DNAJB6: variants seen among roughly 807,000 people sequenced by gnomAD.
The protein encoded by DNAJB6 is DnaJ heat shock protein family (Hsp40) member B6.
Under a neutral mutation model 42.7 loss-of-function variants are expected in DNAJB6, and 16 were observed. That is an observed-to-expected ratio of 0.37 (90% confidence interval 0.25 to 0.57). DNAJB6 has a LOEUF of 0.57. Among genes scored for constraint, DNAJB6 ranks in the 20% least tolerant of loss-of-function variants. DNAJB6 has a pLI of 0.74. For synonymous variants in DNAJB6, 170 were observed against 163.5 expected, an observed-to-expected ratio of 1.04 and a Z score of -0.30; for missense variants, 347 against 416.8, an observed-to-expected ratio of 0.83 and a Z score of 1.46.
rs1563128417 is a variant in DNAJB6, at chr7:157,369,865, C to CATTATTATTAAAGAGGCCCTTTCTTA, written c.346+2383_346+2384insTTATTATTAAAGAGGCCCTTTCTTAA. 3.5e-4 allele frequency among the ~76,000 whole-genome samples: 40 copies of CATTATTATTAAAGAGGCCCTTTCTTA among 113,056 alleles called. 1 individual carries two copies. The highest frequency in any genetic ancestry group is 3.2e-4 in the Admixed American group (4 of 12,492). The allele number at this position is 113,056 out of a possible 152,430, so 74.2% of individuals were successfully genotyped here. On this transcript the variant is annotated intron_variant, in intron 5 of 9. Coordinates refer to ENST00000262177, the MANE Select transcript of DNAJB6 (RefSeq NM_058246.4). ...GTTATTATTAAACGGGCCCCTTCTTCACATTATTATTAAACAGGCCCCTTC... is the reference window on the plus strand; with the variant it reads ...GTTATTATTAAACGGGCCCCTTCTTCATTATTATTAAAGAGGCCCTTTCTTAACATTATTATTAAACAGGCCCCTTC...
intron 8 of DNAJB6, among the ~76,000 whole-genome samples, chr7:157,409,009 G>C (rs1429673926): frequency 6.6e-6 from 1 of 152,260 alleles, no homozygotes; most frequent in African/African-American, 2.4e-5. Context: ...CTGGAGCTCT[G>C]ACGCAGCTGC....
chr7:157,352,700 CA>C (rs1361836104), intron 1 of DNAJB6, among the ~76,000 whole-genome samples: 4 of 152,112 alleles, frequency 2.6e-5, no homozygotes, highest in Non-Finnish European at 5.9e-5. Context: ...TCTACTTCAT[CA>C]CAAGCAGGTA....
intron 1 of DNAJB6, among the ~76,000 whole-genome samples, chr7:157,339,640 TGTGTGTGA>T (rs201076131): frequency 0.11 from 5,739 of 53,182 alleles, 215 homozygotes; most frequent in East Asian, 0.32. Flanking sequence ...TGTGTGTGTG[TGTGTGTGA>T]GATGGAGTTT....
At chr7:157,400,478 C>T (rs1801812112) in intron 8 of DNAJB6, among the ~76,000 whole-genome samples, 1 of 152,214 alleles carries the variant, frequency 6.6e-6, no homozygotes, top group South Asian at 2.1e-4. Flanking sequence ...TCCTGGTCAT[C>T]CTTCCCTGGT....
chr7:157,386,093 T>A (rs541453050), intron 8 of DNAJB6: 3 of 980,736 alleles, frequency 3.1e-6, no homozygotes, highest in Non-Finnish European at 3.6e-6. Context: ...TGAAAGATAT[T>A]AATACATTAA....
intron 5 of DNAJB6, among the ~76,000 whole-genome samples, chr7:157,373,891 C>G (rs1157944870): frequency 6.6e-6 from 1 of 152,070 alleles, no homozygotes; most frequent in East Asian, 1.9e-4. Flanking sequence ...ATAAAAACAT[C>G]ACATACTAAG....
intron 8 of DNAJB6, among the ~76,000 whole-genome samples, chr7:157,409,227 CCCGT>C (rs1795881839): frequency 6.6e-6 from 1 of 152,180 alleles, no homozygotes; most frequent in Non-Finnish European, 1.5e-5. Flanking sequence ...GAGAAGCCGG[CCCGT>C]CTTGGGTGTG....
At chr7:157,410,308 C>A (rs1045735297) in intron 9 of DNAJB6, 3 of 540,486 alleles carry the variant, frequency 5.6e-6, no homozygotes, top group East Asian at 3.5e-5. Context: ...CGTAGACGTG[C>A]CTTTTCGTAG....
At chr7:157,384,121 G>A (rs775978543) in intron 6 of DNAJB6, among the ~76,000 whole-genome samples, 2 of 152,172 alleles carry the variant, frequency 1.3e-5, no homozygotes, top group Non-Finnish European at 1.5e-5. Flanking sequence ...GCTCTAACCA[G>A]TAGACCAGCT....
In DNAJB6 at chr7:157,410,911, C is replaced by T. The variant is rs551096299; in HGVS notation, c.898+910C>T. 4 of 152,346 alleles carry T rather than the reference C, an allele frequency of 2.6e-5. No homozygotes were observed. The East Asian group carries it at 5.8e-4, about 22-fold the overall frequency. The allele number at this position is 152,346 out of a possible 1,614,324, so 9.4% of individuals were successfully genotyped here. On this transcript the variant is annotated intron_variant, in intron 9 of 9. Transcript: ENST00000262177. ...GGAACTTTCCATTGAAAAATTAGCC[C>T]CTTCCAGTCCTTCTCGGATGAAGCA... is the stretch of plus-strand genomic sequence containing the variant.
At position 157,382,359 on chromosome 7, in the gene DNAJB6, T is replaced by G; in HGVS notation, c.460T>G (p.Phe154Val). The G allele has an allele frequency of 6.2e-7, 1 of 1,610,302 alleles. No homozygotes were observed. Among genetic ancestry groups the G allele is most frequent in the Non-Finnish European group, 8.5e-7 (1 of 1,179,502 alleles). The change falls in exon 6 of 10, where the codon TTT (phenylalanine) becomes GTT (valine). Residue 154 changes from phenylalanine to valine, a missense_variant. Phe to Val is a conservative substitution (Grantham distance 50). Around this residue, in one of 3 missense-constraint regions of DNAJB6, gnomAD observed 264 missense variants for 288.0 expected, o/e 0.92. Transcript: ENST00000262177. ...FSGFPSFGSGFSSFDTGFTSF... is the reference protein window; with the variant it reads ...FSGFPSFGSGVSSFDTGFTSF... ...TGGATTTCCGTCTTTTGGAAGTGGA[T>G]TTTCTTCTTTTGATACAGGTATTAA...
At chr7:157,387,313 C>T (rs562025866) in intron 8 of DNAJB6, among the ~76,000 whole-genome samples, 20 of 152,298 alleles carry the variant, frequency 1.3e-4, no homozygotes, top group South Asian at 8.3e-4. Context: ...ACCCAGCACG[C>T]GGCACTTCCT....
intron 1 of DNAJB6, among the ~76,000 whole-genome samples, chr7:157,350,088 C>A (rs866556722): frequency 6.6e-6 from 1 of 152,162 alleles, no homozygotes; most frequent in Non-Finnish European, 1.5e-5. Flanking sequence ...GCATCCTGCC[C>A]GAATTTTATT....
chr7:157,337,388 C>T (rs924321578), intron 1 of DNAJB6: 1 of 152,160 alleles, frequency 6.6e-6, no homozygotes, highest in East Asian at 1.9e-4. Context: ...CCGCGTCCTC[C>T]CCGCCCGGCG....
chr7:157,399,025 T>C (rs772262598), intron 8 of DNAJB6, among the ~76,000 whole-genome samples: 3 of 152,376 alleles, frequency 2.0e-5, no homozygotes, highest in African/African-American at 4.8e-5. Flanking sequence ...CAGAAAGTGG[T>C]GTTGGCTCTC....
At chr7:157,369,207 CAAGA>C in intron 5 of DNAJB6, 1 of 448,520 alleles carries the variant, frequency 2.2e-6, no homozygotes, top group Non-Finnish European at 4.5e-6. Context: ...AAACAGAGCT[CAAGA>C]AAGAACCATG....
intron 3 of DNAJB6, among the ~76,000 whole-genome samples, chr7:157,364,394 C>T (rs1799749220): frequency 1.3e-5 from 2 of 150,564 alleles, no homozygotes; most frequent in Admixed American, 1.3e-4. Flanking sequence ...TATTTGAAGT[C>T]TTCTTGAAAT....
rs1224632028 is a variant in DNAJB6 at position 157,416,051 on chromosome 7, CAG to C, written c.941_942del (p.Glu314GlyfsTer17). On this transcript the variant is annotated frameshift_variant, in exon 10 of 10. Transcript: ENST00000262177. LOFTEE classifies it high-confidence loss of function. Reference protein sequence around the residue: ...KEGGKRKKQKQREESKKKKST... With the variant: ...KEGGKRKKQKXREESKKKKST... The stretch of plus-strand genomic sequence containing the variant: ...AGGTGGCAAGAGGAAGAAGCAGAAG[CAG>C]AGAGAGGAGTCGAAGAAGAAGAAGT... The C allele has an allele frequency of 6.2e-7, 1 of 1,614,162 alleles. No homozygotes were observed. The highest frequency in any genetic ancestry group is 8.5e-7 in the Non-Finnish European group (1 of 1,180,034).
chr7:157,405,671 C>T (rs150657933), intron 8 of DNAJB6, among the ~76,000 whole-genome samples: 222 of 152,296 alleles, frequency 1.5e-3, no homozygotes, highest in African/African-American at 4.9e-3. Context: ...CTTGACAGAC[C>T]GCACCAGGCC....
Sources: gnomAD v4.1 joint callset for allele counts (sites outside exome capture counted in the v4.1 genomes callset) on GRCh38, gnomAD v4.1.1 for gene constraint, gnomAD v4.1.1 regional missense constraint, MANE v1.5 for transcripts, NCBI Gene and HGNC (gene_info 2026-07-23, HGNC 2026-07-21) for gene names.